Variants in ADAMTSL1 observed in about 807,000 individuals in gnomAD.
ADAMTSL1 encodes the protein ADAMTS-like protein 1.
In ADAMTSL1, 126 loss-of-function variants were observed where a neutral mutation model predicts 201.8. The ratio of observed to expected loss-of-function variants is 0.62; its 90% CI spans 0.54 to 0.72. The LOEUF (loss-of-function observed/expected upper bound fraction) is 0.72, where lower values mean the gene tolerates loss of function less well. Among genes scored for constraint, ADAMTSL1 ranks in the 30% least tolerant of loss-of-function variants. The pLI is 0.00. For synonymous variants in ADAMTSL1, 1,121 were observed against 903.4 expected (o/e 1.24, Z -4.32); for missense variants, 2,679 against 2,277.8 (o/e 1.18, Z -3.59).
intron 12 of ADAMTSL1, among the ~76,000 whole-genome samples, chr9:18,683,068 C>G (rs1052393719): frequency 1.3e-5 from 2 of 152,156 alleles, no homozygotes; most frequent in African/African-American, 4.8e-5. Context: ...GTGCCCTCAA[C>G]TATGGGAGGA....
intron 26 of ADAMTSL1, among the ~76,000 whole-genome samples, chr9:18,900,625 G>A (rs1829953564): frequency 6.6e-6 from 1 of 152,150 alleles, no homozygotes; most frequent in Non-Finnish European, 1.5e-5. Context: ...TCCTTTGCAA[G>A]GACATGGATA....
At chr9:18,411,893 G>A (rs1029998029) in intron 2 of ADAMTSL1, among the ~76,000 whole-genome samples, 1 of 152,064 alleles carries the variant, frequency 6.6e-6, no homozygotes, top group Non-Finnish European at 1.5e-5. Context: ...CATATTTTCA[G>A]GAAAGTCTCT....
chr9:18,559,909 CT>C (rs1821364999), intron 3 of ADAMTSL1, among the ~76,000 whole-genome samples: 2 of 152,174 alleles, frequency 1.3e-5, no homozygotes, highest in Non-Finnish European at 2.9e-5. Context: ...AGATTTGGGT[CT>C]GAGACAGTGG....
At chr9:18,905,643 CAA>C in intron 26 of ADAMTSL1, 137 bp from the exon 27 acceptor site, 1 of 645,048 alleles carries the variant, frequency 1.6e-6, no homozygotes, top group Non-Finnish European at 2.8e-6. Context: ...TTAGTTAGCC[CAA>C]AGAGGGGAAA....
intron 2 of ADAMTSL1, among the ~76,000 whole-genome samples, chr9:18,253,081 C>A (rs1053905467): frequency 6.6e-6 from 1 of 152,142 alleles, no homozygotes; most frequent in Non-Finnish European, 1.5e-5. Context: ...TATGTCTGTC[C>A]ATTTGGAGAG....
At chr9:18,147,005 T>C (rs1010801283) in intron 1 of ADAMTSL1, among the ~76,000 whole-genome samples, 3 of 152,150 alleles carry the variant, frequency 2.0e-5, no homozygotes, top group African/African-American at 7.2e-5. Context: ...GATCTTACCA[T>C]TGAATTACTT....
chr9:18,849,947 G>A (rs916976053), intron 23 of ADAMTSL1, among the ~76,000 whole-genome samples: 2 of 152,110 alleles, frequency 1.3e-5, no homozygotes, highest in African/African-American at 4.8e-5. Context: ...TCATTTCAGA[G>A]GGCATTTACA....
intron 2 of ADAMTSL1, among the ~76,000 whole-genome samples, chr9:18,277,992 T>C (rs1408498752): frequency 6.6e-6 from 1 of 152,176 alleles, no homozygotes; most frequent in Admixed American, 6.5e-5. Flanking sequence ...TAAAATATCT[T>C]ACAATAGTCT....
At chr9:18,291,897 A>G (rs1833288613) in intron 2 of ADAMTSL1, among the ~76,000 whole-genome samples, 1 of 152,058 alleles carries the variant, frequency 6.6e-6, no homozygotes, top group South Asian at 2.1e-4. Context: ...ACACAGGGAT[A>G]TGCCTTTACG....
chr9:18,622,513 C>A, intron 5 of ADAMTSL1, 144 bp downstream of exon 5: 1 of 1,259,596 alleles, frequency 7.9e-7, no homozygotes, highest in Non-Finnish European at 1.1e-6. Context: ...CATGCTCTGG[C>A]ATGTGAATTA....
intron 2 of ADAMTSL1, among the ~76,000 whole-genome samples, chr9:18,197,088 G>C (rs902761654): frequency 6.6e-6 from 1 of 152,114 alleles, no homozygotes; most frequent in African/African-American, 2.4e-5. Flanking sequence ...ACCAGTGAAA[G>C]CTAGGAAAGT....
chr9:18,392,733 G>A lies in ADAMTSL1; in HGVS notation c.208-112096G>A, dbSNP rs963745520. Among the ~76,000 whole-genome samples the A allele has an allele frequency of 2.0e-5, 3 of 152,228 alleles. No homozygotes were observed. In the East Asian group the frequency reaches 5.8e-4, roughly 29 times the overall value. ...TGCAAAATAATTTATTTTCACATTT[G>A]TAAACTTCAGAGGATACTCTAAATT... is the stretch of plus-strand genomic sequence containing the variant. On this transcript the variant is annotated intron_variant, in intron 2 of 29. Transcript: ENST00000680146.
chr9:18,190,515 G>A (rs1195069142), intron 2 of ADAMTSL1, among the ~76,000 whole-genome samples: 1 of 152,040 alleles, frequency 6.6e-6, no homozygotes. Context: ...ATTTCAACCC[G>A]ATTTCAAGCC....
chr9:18,662,254 A>G lies in ADAMTSL1; in HGVS notation c.1085+181A>G, dbSNP rs140226148. On this transcript the variant is annotated intron_variant, in intron 9 of 28. Transcript: ENST00000380548. ...ACCCATACTCCTTGCTCTGGCTGCT[A>G]TGCGAGGCCATCTCGGAGTCTACAG... 2.0e-5 allele frequency among the ~76,000 whole-genome samples: 3 copies of G among 152,322 alleles called. No individual in the cohort carries two copies. In the East Asian group the frequency reaches 5.8e-4, roughly 29 times the overall value.
intron 2 of ADAMTSL1, among the ~76,000 whole-genome samples, chr9:18,191,035 GT>G (rs1173091263): frequency 1.3e-5 from 2 of 152,150 alleles, no homozygotes; most frequent in East Asian, 3.9e-4. Flanking sequence ...TCTCATAATT[GT>G]TTTTACAGTG....
intron 23 of ADAMTSL1, among the ~76,000 whole-genome samples, chr9:18,840,407 G>T (rs1053257115): frequency 6.6e-6 from 1 of 152,066 alleles, no homozygotes; most frequent in Non-Finnish European, 1.5e-5. Context: ...CTCTGTTTTG[G>T]TACCAGTACC....
chr9:18,891,113 T>A (rs954256326), intron 25 of ADAMTSL1, among the ~76,000 whole-genome samples: 1 of 152,104 alleles, frequency 6.6e-6, no homozygotes, highest in Non-Finnish European at 1.5e-5. Flanking sequence ...CAGTCCAGAT[T>A]TAGGAGGAAT....
intron 1 of ADAMTSL1, among the ~76,000 whole-genome samples, chr9:18,135,108 C>G (rs559980057): frequency 2.0e-5 from 3 of 152,220 alleles, no homozygotes; most frequent in African/African-American, 7.2e-5. Flanking sequence ...TCTTATCTGA[C>G]TGAGATATTT....
At chr9:18,649,149 G>A (rs1231035375) in intron 7 of ADAMTSL1, among the ~76,000 whole-genome samples, 1 of 151,988 alleles carries the variant, frequency 6.6e-6, no homozygotes, top group East Asian at 1.9e-4. Context: ...CATCTTCCCT[G>A]ACTGATAACC....
Sources: gnomAD v4.1 joint callset for allele counts (sites outside exome capture counted in the v4.1 genomes callset) on GRCh38, gnomAD v4.1.1 for gene constraint, MANE v1.5 for transcripts, NCBI Gene and HGNC (gene_info 2026-07-23, HGNC 2026-07-21) for gene names.